Variants in CDH20 observed in about 807,000 individuals in gnomAD.
The protein encoded by CDH20 is cadherin-20.
CDH20 carries 29 observed loss-of-function variants against 74.2 expected under a neutral mutation model. That is an observed-to-expected ratio of 0.39 (90% CI 0.29 to 0.53). The LOEUF (loss-of-function observed/expected upper bound fraction) is 0.53, where lower values mean the gene tolerates loss of function less well. Among genes scored for constraint, CDH20 ranks in the 20% least tolerant of loss-of-function variants. The pLI, the probability that CDH20 is intolerant of heterozygous loss-of-function variation, is 0.69. For synonymous variants in CDH20, 469 were observed against 405.4 expected (o/e 1.16, Z -1.88); for missense variants, 988 against 1,048.3 (o/e 0.94, Z 0.79).
At chr18:61,527,369 A>AGATAGATAGATAGATAGATAGATAGAT (rs1555683351) in intron 6 of CDH20, among the ~76,000 whole-genome samples, 1,398 of 92,974 alleles carry the variant, frequency 0.015, 10 homozygotes, top group African/African-American at 0.025. Flanking sequence ...ATATTCTAAT[A>AGATAGATAGATAGATAGATAGATAGAT]GATAGATAGA....
rs747312118 is a variant in CDH20 at position 61,550,068 on chromosome 18, G to A, written c.1739G>A (p.Gly580Glu). Residue 580 changes from glycine (G) to glutamate (E), a missense_variant, in exon 11 of 12, where the codon GGG becomes GAG. Physicochemically the swap from Gly to Glu is moderately conservative, Grantham distance 98. Around this residue, in one of 2 missense-constraint regions of CDH20, gnomAD observed 613 missense variants for 755.2 expected, o/e 0.81. Transcript: ENST00000262717. ...FHLPILIADS[G>E]QPVLSSTGTL... Reference sequence around the variant, plus strand: ...CTGCCTATCCTGATAGCAGATAGCGGGCAGCCCGTGCTGAGCAGCACAGGC... The same window carrying A: ...CTGCCTATCCTGATAGCAGATAGCGAGCAGCCCGTGCTGAGCAGCACAGGC... 1.2e-6 allele frequency: 2 copies of A among 1,614,208 alleles called. No individual in the cohort carries two copies. Among genetic ancestry groups the A allele is most frequent in the South Asian group, 1.1e-5 (1 of 91,084 alleles).
At chr18:61,391,395 G>A (rs764891689) in intron 1 of CDH20, among the ~76,000 whole-genome samples, 1 of 152,076 alleles carries the variant, frequency 6.6e-6, no homozygotes, top group African/African-American at 2.4e-5. Flanking sequence ...CCGAGAGTTG[G>A]TTTGGCAACT....
intron 1 of CDH20, among the ~76,000 whole-genome samples, chr18:61,385,744 A>T (rs1322749003): frequency 1.3e-5 from 2 of 152,118 alleles, no homozygotes; most frequent in African/African-American, 4.8e-5. Flanking sequence ...CAGCTGGCCA[A>T]CATGGTGAAA....
At chr18:61,538,161 G>C (rs1355251829) in intron 8 of CDH20, among the ~76,000 whole-genome samples, 1 of 152,178 alleles carries the variant, frequency 6.6e-6, no homozygotes, top group African/African-American at 2.4e-5. Flanking sequence ...AATGTGCAGT[G>C]TTATCTTTAT....
rs538928417 is a variant in CDH20, at chr18:61,405,877, A to T, written c.-153+72050A>T. On this transcript the variant is annotated intron_variant, in intron 1 of 11. Coordinates refer to ENST00000262717, the MANE Select transcript of CDH20 (RefSeq NM_031891.4). The stretch of plus-strand genomic sequence containing the variant: ...GTTAAGCCTTCCTTCAAATATCAGC[A>T]TAACTTCAAGGCTTCCACTGTCTCA... Among the ~76,000 whole-genome samples, 50 of 152,342 alleles carry T rather than the reference A, an allele frequency of 3.3e-4. No individual in the cohort carries two copies. The South Asian group carries it at 0.01, about 31-fold the overall frequency.
At position 61,554,633 on chromosome 18, in the gene CDH20, C is replaced by G; in HGVS notation, c.2344C>G (p.Pro782Ala). 1 of 1,602,562 alleles carries G rather than the reference C, an allele frequency of 6.2e-7. No homozygotes were observed. Among genetic ancestry groups the G allele is most frequent in the Admixed American group, 1.7e-5 (1 of 59,288 alleles). Residue 782 changes from proline to alanine, a missense_variant, in exon 12 of 12, where the codon CCC becomes GCC. Coordinates refer to ENST00000262717, the MANE Select transcript of CDH20 (RefSeq NM_031891.4). Reference sequence around the variant, plus strand: ...CTTCGACTTCCTGACGGACTGGGGGCCCCGCTTCCGGAAGCTGGCCGAGCT... The same window carrying G: ...CTTCGACTTCCTGACGGACTGGGGGGCCCGCTTCCGGAAGCTGGCCGAGCT... ...QSFDFLTDWG[P>A]RFRKLAELYG...
chr18:61,435,566 A>G (rs547933349), intron 1 of CDH20, among the ~76,000 whole-genome samples: 1 of 152,068 alleles, frequency 6.6e-6, no homozygotes, highest in Admixed American at 6.6e-5. Context: ...AGAACACACA[A>G]TATAGCCAGG....
rs1404615190 is a variant in CDH20, at chr18:61,370,857, T to C, written c.-153+37030T>C. Among the ~76,000 whole-genome samples, 3 of 152,118 alleles carry C rather than the reference T, an allele frequency of 2.0e-5. No homozygotes were observed. The East Asian group carries it at 5.8e-4, about 29-fold the overall frequency. On this transcript the variant is annotated intron_variant, in intron 1 of 11. Transcript: ENST00000262717. ...CATCAAAACTATCTTTTTTGAAAAG[T>C]ATTCAGTGACAAATCAATTTTTAAG...
intron 1 of CDH20, among the ~76,000 whole-genome samples, chr18:61,454,926 CA>C (rs1373064237): frequency 2.0e-5 from 3 of 152,126 alleles, no homozygotes; most frequent in African/African-American, 7.2e-5. Flanking sequence ...ATGCGTGAGG[CA>C]AAAGAACTGA....
At chr18:61,505,012 C>A (rs1018697445) in intron 5 of CDH20, among the ~76,000 whole-genome samples, 1 of 152,080 alleles carries the variant, frequency 6.6e-6, no homozygotes, top group Non-Finnish European at 1.5e-5. Flanking sequence ...CATGGATGGA[C>A]TTTGTATTGC....
At chr18:61,358,164 G>C (rs1599034435) in intron 1 of CDH20, among the ~76,000 whole-genome samples, 1 of 150,762 alleles carries the variant, frequency 6.6e-6, no homozygotes, top group Non-Finnish European at 1.5e-5. Flanking sequence ...GCCCAGGCTG[G>C]AGTGCAGTGG....
chr18:61,359,222 C>T (rs1166461930), intron 1 of CDH20, among the ~76,000 whole-genome samples: 1 of 151,946 alleles, frequency 6.6e-6, no homozygotes, highest in African/African-American at 2.4e-5. Flanking sequence ...TTTGCATTCC[C>T]TATAATACAT....
At chr18:61,415,121 G>A (rs1250364365) in intron 1 of CDH20, among the ~76,000 whole-genome samples, 1 of 151,970 alleles carries the variant, frequency 6.6e-6, no homozygotes, top group Non-Finnish European at 1.5e-5. Context: ...GTGGCTTTTT[G>A]CTATATTCTA....
At chr18:61,407,995 A>T (rs749730777) in intron 1 of CDH20, among the ~76,000 whole-genome samples, 1 of 152,234 alleles carries the variant, frequency 6.6e-6, no homozygotes, top group Non-Finnish European at 1.5e-5. Context: ...TATATATGTA[A>T]GATGTTAAAA....
At chr18:61,371,299 G>A (rs1043958576) in intron 1 of CDH20, among the ~76,000 whole-genome samples, 1 of 151,982 alleles carries the variant, frequency 6.6e-6, no homozygotes, top group Non-Finnish European at 1.5e-5. Flanking sequence ...CTTGTTTTTG[G>A]TTTCTGTTTC....
Position 61,549,994 on chromosome 18 carries a change from T to A in CDH20, c.1665T>A (p.Ile555=). The A allele has an allele frequency of 6.2e-7, 1 of 1,614,094 alleles. No homozygotes were observed. Among genetic ancestry groups the A allele is most frequent in the Non-Finnish European group, 8.5e-7 (1 of 1,179,956 alleles). The change falls in exon 11 of 12, where the codon ATT becomes ATA. Residue 555 remains isoleucine, a synonymous_variant. Transcript: ENST00000262717. ...IRDNQDNTAR[I]LTRRSGFRQQ... ...TTCTTTCAGATAACACAGCACGGAT[T>A]CTAACCAGGAGGTCTGGTTTCCGGC...
chr18:61,393,461 C>G (rs1424574848), intron 1 of CDH20, among the ~76,000 whole-genome samples: 2 of 152,232 alleles, frequency 1.3e-5, no homozygotes, highest in Non-Finnish European at 2.9e-5. Flanking sequence ...GTAGGCTACT[C>G]TTACCTCACT....
chr18:61,375,073 C>T (rs1468337686), intron 1 of CDH20, among the ~76,000 whole-genome samples: 1 of 152,016 alleles, frequency 6.6e-6, no homozygotes, highest in East Asian at 1.9e-4. Flanking sequence ...TAATGTGAAT[C>T]TGGTTTTAAT....
chr18:61,401,979 G>A (rs1459871998), intron 1 of CDH20, among the ~76,000 whole-genome samples: 1 of 152,130 alleles, frequency 6.6e-6, no homozygotes, highest in Non-Finnish European at 1.5e-5. Context: ...TAATAGGTTG[G>A]TTTATCAAAT....
Sources: allele counts gnomAD v4.1 joint callset (sites outside exome capture counted in the v4.1 genomes callset), GRCh38; gene constraint gnomAD v4.1.1; regional missense constraint gnomAD v4.1.1; transcripts MANE v1.5; gene names NCBI Gene and HGNC (gene_info 2026-07-23, HGNC 2026-07-21).